Variants in EPN2 observed in about 807,000 individuals in gnomAD.
EPN2 encodes the protein epsin 2, also known as epsin-2.
A neutral mutation model predicts 61.7 loss-of-function variants in EPN2; 34 were observed. That is an observed-to-expected ratio of 0.55 (90% CI 0.42 to 0.73). EPN2 has a LOEUF of 0.73. Ranked by LOEUF, EPN2 falls within the 30% of genes least tolerant of loss-of-function variation. The pLI is 0.00. For synonymous variants in EPN2, 349 were observed against 353.6 expected (o/e 0.99, Z 0.15); for missense variants, 714 against 839.2 (o/e 0.85, Z 1.84).
At chr17:19,312,893 G>C in intron 6 of EPN2, 1 of 551,844 alleles carries the variant, frequency 1.8e-6, no homozygotes, top group South Asian at 2.2e-5. Flanking sequence ...CTGGTGAGGG[G>C]GTTTAGCAAA....
rs1376121255 is a variant in EPN2 at position 19,335,593 on chromosome 17, G to GCAA, written c.*1342_*1344dup. On this transcript the variant is annotated 3_prime_UTR_variant, in exon 11 of 11. Coordinates refer to ENST00000314728, the MANE Select transcript of EPN2 (RefSeq NM_014964.5). ...TGCTTCTGTGCCCACGGGTCCCTGG[G>GCAA]CAACAGTCCCTAGGCTAAGACAGGG... The GCAA allele has an allele frequency of 2.2e-6, 2 of 929,894 alleles. No individual in the cohort carries two copies. The highest frequency in any genetic ancestry group is 3.3e-5 in the African/African-American group (2 of 60,118). 57.6% of individuals were successfully genotyped at this position (929,894 alleles called of 1,614,324 possible). A position where few individuals can be genotyped will look rare whatever the true frequency, so the allele number is the denominator to read the frequency against.
chr17:19,264,550 A>G (rs558357125), intron 1 of EPN2, among the ~76,000 whole-genome samples: 3 of 152,262 alleles, frequency 2.0e-5, no homozygotes, highest in Admixed American at 2.0e-4. Flanking sequence ...AACTAAACTG[A>G]GATTCAGTGA....
chr17:19,331,140 T>G (rs1598027878), intron 9 of EPN2, among the ~76,000 whole-genome samples: 2 of 152,386 alleles, frequency 1.3e-5, no homozygotes. Flanking sequence ...AAAAATACTT[T>G]GTTGCTATAT....
chr17:19,254,193 GGGAAGGAAA>G (rs1287283676), intron 1 of EPN2, among the ~76,000 whole-genome samples: 6 of 149,650 alleles, frequency 4.0e-5, no homozygotes, highest in Admixed American at 6.7e-5. Flanking sequence ...GAGGGAGGGA[GGGAAGGAAA>G]GGAAGGAAAG....
chr17:19,320,991 A>G (rs1309607131), intron 7 of EPN2, among the ~76,000 whole-genome samples: 11 of 152,206 alleles, frequency 7.2e-5, no homozygotes, highest in African/African-American at 2.7e-4. Context: ...AAGCAGACCC[A>G]GCCGATGTTC....
chr17:19,251,477 T>C (rs2045014645), intron 1 of EPN2, among the ~76,000 whole-genome samples: 1 of 152,094 alleles, frequency 6.6e-6, no homozygotes, highest in Admixed American at 6.6e-5. Context: ...ATTTTTTTTT[T>C]TTGAGAAGTG....
intron 1 of EPN2, among the ~76,000 whole-genome samples, chr17:19,244,390 C>T (rs974163314): frequency 1.3e-5 from 2 of 149,514 alleles, no homozygotes; most frequent in East Asian, 2.0e-4. Flanking sequence ...ACCTGGGAGG[C>T]GGAGGTTGCA....
At position 19,334,518 on chromosome 17, in the gene EPN2, C is replaced by T. The variant is rs990241338; in HGVS notation, c.*264C>T. On this transcript the variant is annotated 3_prime_UTR_variant, in exon 11 of 11. Coordinates refer to ENST00000314728, the MANE Select transcript of EPN2 (RefSeq NM_014964.5). The surrounding 1 kb of genome is among the most constrained non-coding windows in gnomAD (Gnocchi z 4.9). ...GCTCCTCTGAGGCCTTGGACGAGGA[C>T]GTGGAGTCATCAGTGTTGCCCTTGC... The T allele has an allele frequency of 2.1e-5, 7 of 336,512 alleles. No homozygotes were observed. The highest frequency in any genetic ancestry group is 9.1e-5 in the East Asian group (2 of 22,092). 20.8% of individuals were successfully genotyped at this position (336,512 alleles called of 1,614,324 possible). A position where few individuals can be genotyped will look rare whatever the true frequency, so the allele number is the denominator to read the frequency against.
At chr17:19,295,538 AAAAAG>A (rs1025314584) in intron 4 of EPN2, among the ~76,000 whole-genome samples, 10 of 152,258 alleles carry the variant, frequency 6.6e-5, no homozygotes, top group African/African-American at 2.2e-4. Context: ...CTCTCAGAAA[AAAAAG>A]AAAAGAAAAG....
At chr17:19,310,621 A>G (rs1906091006) in intron 5 of EPN2, among the ~76,000 whole-genome samples, 1 of 108,174 alleles carries the variant, frequency 9.2e-6, no homozygotes, top group African/African-American at 3.6e-5. Context: ...TCTGTCACCC[A>G]GGCTGGAGTG....
At chr17:19,327,324 GA>G (rs1399250473) in intron 7 of EPN2, among the ~76,000 whole-genome samples, 1 of 152,084 alleles carries the variant, frequency 6.6e-6, no homozygotes, top group East Asian at 1.9e-4. Flanking sequence ...AATGTGGAGT[GA>G]ACAAAGCCAG....
At position 19,299,790 on chromosome 17, in the gene EPN2, C is replaced by T. The variant is rs369420924; in HGVS notation, c.767-10095C>T. Among the ~76,000 whole-genome samples the T allele has an allele frequency of 3.0e-4, 46 of 152,316 alleles. No individual in the cohort carries two copies. In the East Asian group the frequency reaches 5.2e-3, roughly 17 times the overall value. ...CACCAGCCCTGCATTGGGGCCATAA[C>T]GTGGTCATTGTTGGGGCTCTCCCTT... On this transcript the variant is annotated intron_variant, in intron 4 of 10. Transcript: ENST00000314728.
chr17:19,291,004 G>A (rs1017534381), intron 4 of EPN2, among the ~76,000 whole-genome samples: 6 of 152,242 alleles, frequency 3.9e-5, no homozygotes, highest in African/African-American at 1.4e-4. Context: ...CCCTTGTGCT[G>A]AGGCTGCTCC....
At chr17:19,260,529 G>T (rs1483904563) in intron 1 of EPN2, among the ~76,000 whole-genome samples, 1 of 152,140 alleles carries the variant, frequency 6.6e-6, no homozygotes, top group Non-Finnish European at 1.5e-5. Context: ...TGGGCTGGTG[G>T]TCACTCCTGG....
intron 1 of EPN2, among the ~76,000 whole-genome samples, chr17:19,246,766 C>T (rs1446124252): frequency 1.6e-5 from 2 of 126,190 alleles, no homozygotes; most frequent in Non-Finnish European, 3.1e-5. Flanking sequence ...TCCCTGTGTG[C>T]CTTTTTTTTT....
intron 4 of EPN2, among the ~76,000 whole-genome samples, chr17:19,287,928 A>C (rs899162251): frequency 1.3e-5 from 2 of 152,144 alleles, no homozygotes; most frequent in African/African-American, 4.8e-5. Flanking sequence ...CTGACCTTGG[A>C]AGTCTCTTGA....
intron 7 of EPN2, among the ~76,000 whole-genome samples, chr17:19,318,249 A>AT (rs1188130453): frequency 6.6e-6 from 1 of 152,194 alleles, no homozygotes; most frequent in Non-Finnish European, 1.5e-5. Context: ...TGTGTGGGCT[A>AT]TAAGAGTAGG....
At chr17:19,316,146 A>T (rs1251099393) in intron 7 of EPN2, among the ~76,000 whole-genome samples, 1 of 152,250 alleles carries the variant, frequency 6.6e-6, no homozygotes, top group Non-Finnish European at 1.5e-5. Flanking sequence ...ATTGATGGAT[A>T]TTTGGGCTGT....
chr17:19,293,677 A>AG (rs1385722608), intron 4 of EPN2, among the ~76,000 whole-genome samples: 1 of 151,686 alleles, frequency 6.6e-6, no homozygotes, highest in Non-Finnish European at 1.5e-5. Context: ...ACAGGCATGC[A>AG]GGCACAAGCC....
Sources: gnomAD v4.1 joint callset for allele counts (sites outside exome capture counted in the v4.1 genomes callset) on GRCh38, gnomAD v4.1.1 for gene constraint, Gnocchi (gnomAD v3.1) non-coding constraint, MANE v1.5 for transcripts, NCBI Gene and HGNC (gene_info 2026-07-23, HGNC 2026-07-21) for gene names.